IQSEC3: variants seen among roughly 807,000 people sequenced by gnomAD.
IQSEC3 encodes IQ motif and Sec7 domain ArfGEF 3.
A neutral mutation model predicts 105.4 loss-of-function variants in IQSEC3; 50 were observed. The ratio of observed to expected loss-of-function variants is 0.47; its 90% CI spans 0.38 to 0.60. IQSEC3 has a LOEUF of 0.60. Ranked by LOEUF, IQSEC3 falls within the 20% of genes least tolerant of loss-of-function variation. The pLI is 0.00. For missense variants in IQSEC3, 1,415 were observed against 1,630.0 expected (o/e 0.87, Z 2.27); for synonymous variants, 708 against 746.0 (o/e 0.95, Z 0.83).
intron 10 of IQSEC3, 46 bp from the exon 11 acceptor site, chr12:165,683 C>A (rs372870249): frequency 5.0e-6 from 8 of 1,604,838 alleles, no homozygotes; most frequent in Non-Finnish European, 6.8e-6. Context: ...TGGCCCTCGG[C>A]TGCTGCTGCT....
chr12:141,913 G>A (rs1230920875), intron 5 of IQSEC3: 1 of 152,330 alleles, frequency 6.6e-6, no homozygotes, highest in African/African-American at 2.4e-5. Context: ...AGCCTTGATA[G>A]TGTGGACAGG....
chr12:103,212 G>A (rs1289197377), intron 2 of IQSEC3, among the ~76,000 whole-genome samples: 18 of 151,548 alleles, frequency 1.2e-4, no homozygotes, highest in Non-Finnish European at 1.9e-4. Context: ...ACAATGACCC[G>A]GTAGCTGGCC....
At chr12:150,137 C>T (rs915409239) in intron 5 of IQSEC3, among the ~76,000 whole-genome samples, 6 of 152,000 alleles carry the variant, frequency 3.9e-5, no homozygotes, top group Admixed American at 2.6e-4. Flanking sequence ...AGCCCAGGGC[C>T]GTGGAGAAGC....
intron 1 of IQSEC3, among the ~76,000 whole-genome samples, chr12:91,150 G>T (rs1864071938): frequency 6.6e-6 from 1 of 152,140 alleles, no homozygotes; most frequent in Non-Finnish European, 1.5e-5. Context: ...TGCCCCCTGG[G>T]ACTTCCGGCT....
chr12:70,066 T>C (rs1210271426), intron 1 of IQSEC3, among the ~76,000 whole-genome samples: 2 of 152,252 alleles, frequency 1.3e-5, no homozygotes, highest in South Asian at 2.1e-4. Context: ...CTTCCAATCA[T>C]GGGTTTCCTG....
chr12:150,039 G>A (rs3888295), intron 5 of IQSEC3, among the ~76,000 whole-genome samples: 5,310 of 152,258 alleles, frequency 0.035, 99 homozygotes, highest in African/African-American at 0.054. Context: ...GGAGACTGGT[G>A]AGAAGGCTAC....
At position 138,201 on chromosome 12, in the gene IQSEC3, C is replaced by G. The variant is rs2136995805; in HGVS notation, c.904-66C>G. On this transcript the variant is annotated intron_variant, in intron 3 of 13. Coordinates refer to ENST00000538872, the MANE Select transcript of IQSEC3 (RefSeq NM_001170738.2). The surrounding 1 kb of genome is among the most constrained non-coding windows in gnomAD (Gnocchi z 7.1). ...CGAGTGTGGCCGGGTGACTCCACCA[C>G]TCCTCAGAAGGGCTGACCACCCTTC... The G allele has an allele frequency of 7.0e-7, 1 of 1,435,404 alleles. No individual in the cohort carries two copies. The highest frequency in any genetic ancestry group is 9.5e-7 in the Non-Finnish European group (1 of 1,047,740). 88.9% of individuals were successfully genotyped at this position (1,435,404 alleles called of 1,614,324 possible). A position where few individuals can be genotyped will look rare whatever the true frequency, so the allele number is the denominator to read the frequency against.
In IQSEC3 at chr12:178,299, T is replaced by C. The variant is rs1939299525; in HGVS notation, c.*3266T>C. The C allele has an allele frequency of 7.2e-6, 1 of 139,680 alleles. No homozygotes were observed. Among genetic ancestry groups the C allele is most frequent in the Admixed American group, 7.2e-5 (1 of 13,936 alleles). The allele number at this position is 139,680 out of a possible 1,614,324, so 8.7% of individuals were successfully genotyped here. On this transcript the variant is annotated 3_prime_UTR_variant, in exon 14 of 14. Coordinates refer to ENST00000538872, the MANE Select transcript of IQSEC3 (RefSeq NM_001170738.2). ...GCTGCACCCTCTCCCCGCACACCCG[T>C]CACCCATGAGAGAGAGAAACCTCTC...
intron 2 of IQSEC3, among the ~76,000 whole-genome samples, chr12:104,332 A>G (rs960723612): frequency 7.2e-5 from 11 of 152,368 alleles, no homozygotes; most frequent in South Asian, 2.1e-4. Flanking sequence ...TAAGCGCTCA[A>G]GAGAAATCCT....
chr12:136,399 G>C (rs1293741895), intron 3 of IQSEC3, among the ~76,000 whole-genome samples: 5 of 152,016 alleles, frequency 3.3e-5, no homozygotes, highest in Admixed American at 3.3e-4. Context: ...TGCTAGCGTG[G>C]AATGGGGCAC....
chr12:68,135 G>A (rs1378015062), intron 1 of IQSEC3, among the ~76,000 whole-genome samples: 16 of 150,982 alleles, frequency 1.1e-4, no homozygotes, highest in African/African-American at 2.5e-4. Flanking sequence ...CTGAATTCCC[G>A]CAGAGCCGAA....
chr12:123,509 A>G, intron 2 of IQSEC3, among the ~76,000 whole-genome samples: 1 of 152,252 alleles, frequency 6.6e-6, no homozygotes, highest in South Asian at 2.1e-4. Flanking sequence ...ATTGGTGGCC[A>G]CAGAAGAAAT....
chr12:76,681 G>C (rs1344191893), intron 1 of IQSEC3, among the ~76,000 whole-genome samples: 16 of 152,270 alleles, frequency 1.1e-4, no homozygotes, highest in African/African-American at 3.9e-4. Context: ...CCAGGCCCCA[G>C]AGGCGTGAGC....
intron 5 of IQSEC3, among the ~76,000 whole-genome samples, chr12:149,894 G>A (rs373504841): frequency 3.9e-5 from 6 of 152,278 alleles, no homozygotes; most frequent in African/African-American, 7.2e-5. Context: ...CAGACAGGGC[G>A]TCTTTGCTTT....
chr12:104,668 C>G (rs1864582073), intron 2 of IQSEC3, among the ~76,000 whole-genome samples: 1 of 152,256 alleles, frequency 6.6e-6, no homozygotes, highest in South Asian at 2.1e-4. Flanking sequence ...GCCCTGGTGG[C>G]CCACGTGGCT....
intron 1 of IQSEC3, among the ~76,000 whole-genome samples, chr12:78,369 T>C (rs1424856234): frequency 3.3e-5 from 5 of 151,706 alleles, no homozygotes; most frequent in Non-Finnish European, 7.4e-5. Flanking sequence ...ATGGTGCGAG[T>C]AGATTGCCTT....
chr12:77,898 G>C (rs1251714630), intron 1 of IQSEC3, among the ~76,000 whole-genome samples: 3 of 151,160 alleles, frequency 2.0e-5, no homozygotes, highest in African/African-American at 7.3e-5. Context: ...TCTCGGCGGC[G>C]TGGGCGGGCC....
At chr12:103,105 G>A (rs1555076666) in intron 2 of IQSEC3, among the ~76,000 whole-genome samples, 1 of 152,062 alleles carries the variant, frequency 6.6e-6, no homozygotes, top group Non-Finnish European at 1.5e-5. Context: ...CCTGCTGCCA[G>A]CTAATGACAG....
In IQSEC3 at chr12:138,653, G is replaced by C; in HGVS notation, c.1290G>C (p.Glu430Asp). The C allele has an allele frequency of 1.9e-6, 3 of 1,573,110 alleles. No individual in the cohort carries two copies. The highest frequency in any genetic ancestry group is 1.7e-4 in the Middle Eastern group (1 of 6,030). The change falls in exon 4 of 14, where the codon GAG (glutamate) becomes GAC (aspartate). Residue 430 changes from glutamate to aspartate, a missense_variant. Around this residue, in one of 6 missense-constraint regions of IQSEC3, gnomAD observed 720 missense variants for 633.0 expected, o/e 1.14. Coordinates refer to ENST00000538872, the MANE Select transcript of IQSEC3 (RefSeq NM_001170738.2). This position sits in a 1 kb window ranked among gnomAD's most constrained non-coding sequence, Gnocchi z 7.1. ...WSLKTMCSLR[E>D]SGAYQLHQAL... is the part of the protein sequence containing the mutation. ...TCAAGACCATGTGCTCCCTGCGGGA[G>C]AGTGGCGCTTACCAGCTCCACCAGG... is the stretch of plus-strand genomic sequence containing the variant.
Sources: allele counts gnomAD v4.1 joint callset (sites outside exome capture counted in the v4.1 genomes callset), GRCh38; gene constraint gnomAD v4.1.1; regional missense constraint gnomAD v4.1.1; non-coding constraint Gnocchi (gnomAD v3.1); transcripts MANE v1.5; gene names NCBI Gene and HGNC (gene_info 2026-07-23, HGNC 2026-07-21).